MAB21L3: variants seen among roughly 807,000 people sequenced by gnomAD.
MAB21L3 encodes the protein protein mab-21-like 3.
Under a neutral mutation model 37.7 loss-of-function variants are expected in MAB21L3, and 36 were observed. The ratio of observed to expected loss-of-function variants is 0.96; its 90% CI spans 0.73 to 1.26. MAB21L3 has a LOEUF of 1.26. Among genes scored for constraint, MAB21L3 ranks in the 50% most tolerant of loss-of-function variants. The pLI, the probability that MAB21L3 is intolerant of heterozygous loss-of-function variation, is 0.00. For missense variants in MAB21L3, 430 were observed against 447.3 expected, an observed-to-expected ratio of 0.96 and a Z score of 0.35; for synonymous variants, 186 against 176.8, an observed-to-expected ratio of 1.05 and a Z score of -0.41.
chr1:116,115,280 A>C (rs887878633), intron 3 of MAB21L3, among the ~76,000 whole-genome samples: 15 of 152,198 alleles, frequency 9.9e-5, no homozygotes, highest in Non-Finnish European at 1.3e-4. Context: ...TGGGGGCTGC[A>C]AATATTCTGC....
At chr1:116,130,730 G>A (rs1351334234) in intron 7 of MAB21L3, among the ~76,000 whole-genome samples, 1 of 152,186 alleles carries the variant, frequency 6.6e-6, no homozygotes, top group African/African-American at 2.4e-5. Flanking sequence ...TTCATGTGAA[G>A]CAAAAGCTTA....
At chr1:116,122,655 G>A (rs765092493) in intron 4 of MAB21L3, among the ~76,000 whole-genome samples, 39 of 152,176 alleles carry the variant, frequency 2.6e-4, no homozygotes, top group Non-Finnish European at 2.9e-5. Flanking sequence ...CAACCTCCCA[G>A]GCTTAAGTGA....
chr1:116,121,123 G>C, intron 4 of MAB21L3, 51 bp downstream of exon 4: 1 of 1,570,712 alleles, frequency 6.4e-7, no homozygotes, highest in African/African-American at 1.4e-5. Context: ...CAGGACACTT[G>C]GGCAGGTGAA....
At chr1:116,124,883 AC>A (rs1659856517) in intron 5 of MAB21L3, among the ~76,000 whole-genome samples, 1 of 132,504 alleles carries the variant, frequency 7.5e-6, no homozygotes, top group Non-Finnish European at 1.6e-5. Context: ...ACACACACAC[AC>A]ACACATACAC....
At chr1:116,114,652 AAG>A (rs1458095108) in intron 3 of MAB21L3, among the ~76,000 whole-genome samples, 1 of 152,192 alleles carries the variant, frequency 6.6e-6, no homozygotes, top group Non-Finnish European at 1.5e-5. Context: ...TGCTAAATGA[AAG>A]AGAAATTTTG....
rs1321149417 is a variant in MAB21L3 at position 116,124,077 on chromosome 1, C to T, written c.201C>T (p.Pro67=). 1 of 1,599,666 alleles carries T rather than the reference C, an allele frequency of 6.3e-7. No individual in the cohort carries two copies. Among genetic ancestry groups the T allele is most frequent in the Non-Finnish European group, 8.5e-7 (1 of 1,170,920 alleles). ...TYNENIKVLA[P]SQFLVTVPIK... ...TTTCCTGACCCTAGGTTTTGGCTCC[C>T]AGTCAGTTCCTCGTCACAGTCCCAA... Residue 67 remains proline (P), a synonymous_variant, in exon 5 of 8, where the codon CCC becomes CCT. Coordinates refer to ENST00000369500, the MANE Select transcript of MAB21L3 (RefSeq NM_152367.3).
intron 4 of MAB21L3, chr1:116,123,817 T>C: frequency 4.5e-6 from 2 of 447,256 alleles, no homozygotes; most frequent in South Asian, 3.1e-5. Context: ...CTGTCTTTAC[T>C]TGTATATTCA....
rs1261721437 is a variant in MAB21L3, at chr1:116,135,435, T to A, written c.*2070T>A. Among the ~76,000 whole-genome samples the A allele has an allele frequency of 2.0e-5, 3 of 151,978 alleles. No homozygotes were observed. Among genetic ancestry groups the A allele is most frequent in the Admixed American group, 2.0e-4 (3 of 15,262 alleles). ...CTCCCAAGACTAAACCAGGAAGAAG[T>A]TGAATCTCTGAATAGACCAATAACA... On this transcript the variant is annotated 3_prime_UTR_variant, in exon 8 of 8. Transcript: ENST00000369500.
chr1:116,133,698 G>A lies in MAB21L3; in HGVS notation c.*333G>A, dbSNP rs1199674419. The A allele has an allele frequency of 1.8e-5, 7 of 380,722 alleles. No individual in the cohort carries two copies. The highest frequency in any genetic ancestry group is 1.6e-4 in the South Asian group (6 of 37,102). 23.6% of individuals were successfully genotyped at this position (380,722 alleles called of 1,614,324 possible). On this transcript the variant is annotated 3_prime_UTR_variant, in exon 8 of 8. Coordinates refer to ENST00000369500, the MANE Select transcript of MAB21L3 (RefSeq NM_152367.3). The stretch of plus-strand genomic sequence containing the variant: ...GCTGTGATCGTCTCACAGTGAAGAT[G>A]GAGACAGAACCCCTGGAAGTCTGGA...
At chr1:116,130,648 C>T (rs1204599724) in intron 7 of MAB21L3, among the ~76,000 whole-genome samples, 1 of 152,210 alleles carries the variant, frequency 6.6e-6, no homozygotes, top group African/African-American at 2.4e-5. Flanking sequence ...CTCAGCCTTG[C>T]CTCACCTTAA....
intron 7 of MAB21L3, among the ~76,000 whole-genome samples, chr1:116,129,725 C>A (rs541664757): frequency 1.8e-4 from 28 of 152,354 alleles, no homozygotes; most frequent in Non-Finnish European, 3.2e-4. Flanking sequence ...TACATAGTAG[C>A]GCATTAAATA....
At chr1:116,113,540 G>A (rs1659487769) in intron 3 of MAB21L3, among the ~76,000 whole-genome samples, 1 of 152,142 alleles carries the variant, frequency 6.6e-6, no homozygotes, top group Admixed American at 6.5e-5. Flanking sequence ...ACTTTTTAGT[G>A]TGGTGTTCAA....
In MAB21L3 at chr1:116,112,436, T is replaced by C; in HGVS notation, c.-180T>C. ...CAGATGGATTTTCACAATTTGGAAATAAAAACATGAGTGAAGGGTTCGGAA... is the reference window on the plus strand; with the variant it reads ...CAGATGGATTTTCACAATTTGGAAACAAAAACATGAGTGAAGGGTTCGGAA... On this transcript the variant is annotated 5_prime_UTR_variant, in exon 3 of 8. Transcript: ENST00000369500. 2.1e-6 allele frequency: 1 copy of C among 471,628 alleles called. No homozygotes were observed. Among genetic ancestry groups the C allele is most frequent in the Non-Finnish European group, 3.8e-6 (1 of 262,150 alleles). 29.2% of individuals were successfully genotyped at this position (471,628 alleles called of 1,614,324 possible).
Position 116,124,222 on chromosome 1 carries a change from G to A in MAB21L3, c.346G>A (p.Val116Met). Reference protein sequence around the residue: ...DPEGLQQWLEVEQFMKSLWQW... With the variant: ...DPEGLQQWLEMEQFMKSLWQW... ...TGAGGGTCTGCAGCAGTGGCTGGAGGTGGAACAGTTTATGAAGAGCCTGTG... is the reference window on the plus strand; with the variant it reads ...TGAGGGTCTGCAGCAGTGGCTGGAGATGGAACAGTTTATGAAGAGCCTGTG... The change falls in exon 5 of 8, where the codon GTG (valine) becomes ATG (methionine). Residue 116 changes from valine (V) to methionine (M), a missense_variant. Transcript: ENST00000369500. 6.2e-7 allele frequency: 1 copy of A among 1,614,234 alleles called. No homozygotes were observed. The highest frequency in any genetic ancestry group is 8.5e-7 in the Non-Finnish European group (1 of 1,180,034).
Position 116,133,849 on chromosome 1 carries a change from G to A in MAB21L3, c.*484G>A, listed in dbSNP as rs1380226197. ...GGCTGTGTGCCTATGAAACTGTGCTGGCGCCTTTTCAAGGGGAAGGCATTG... is the reference window on the plus strand; with the variant it reads ...GGCTGTGTGCCTATGAAACTGTGCTAGCGCCTTTTCAAGGGGAAGGCATTG... On this transcript the variant is annotated 3_prime_UTR_variant, in exon 8 of 8. Transcript: ENST00000369500. The A allele has an allele frequency of 5.8e-6, 1 of 173,582 alleles. No individual in the cohort carries two copies. Among genetic ancestry groups the A allele is most frequent in the Non-Finnish European group, 1.2e-5 (1 of 80,900 alleles). 10.8% of individuals were successfully genotyped at this position (173,582 alleles called of 1,614,324 possible). A position where few individuals can be genotyped will look rare whatever the true frequency, so the allele number is the denominator to read the frequency against.
chr1:116,114,252 T>C (rs1389427137), intron 3 of MAB21L3, among the ~76,000 whole-genome samples: 3 of 152,232 alleles, frequency 2.0e-5, no homozygotes, highest in Non-Finnish European at 4.4e-5. Context: ...AACAGTGTCT[T>C]GCATACCTTT....
intron 3 of MAB21L3, 63 bp downstream of exon 3, chr1:116,112,726 C>G: frequency 6.4e-7 from 1 of 1,552,016 alleles, no homozygotes. Context: ...CCAAACAAAC[C>G]TTCGTCCAGA....
At chr1:116,117,285 C>T (rs1000240759) in intron 3 of MAB21L3, among the ~76,000 whole-genome samples, 1 of 151,206 alleles carries the variant, frequency 6.6e-6, no homozygotes, top group Non-Finnish European at 1.5e-5. Context: ...GCCTTCAACA[C>T]GTTCTGAGAA....
At chr1:116,129,368 G>A (rs904824841) in intron 7 of MAB21L3, among the ~76,000 whole-genome samples, 3 of 152,188 alleles carry the variant, frequency 2.0e-5, no homozygotes, top group Non-Finnish European at 2.9e-5. Flanking sequence ...GGAGGTAGGA[G>A]ACTCTTGCAG....
Sources: gnomAD v4.1 joint callset for allele counts (sites outside exome capture counted in the v4.1 genomes callset) on GRCh38, gnomAD v4.1.1 for gene constraint, MANE v1.5 for transcripts, NCBI Gene and HGNC (gene_info 2026-07-23, HGNC 2026-07-21) for gene names.